ACBD5: variants seen among roughly 807,000 people sequenced by gnomAD.
ACBD5 encodes acyl-CoA-binding domain-containing protein 5.
In ACBD5, 40 loss-of-function variants were observed where a neutral mutation model predicts 71.8. That is an observed-to-expected ratio of 0.56 (90% CI 0.43 to 0.72). The LOEUF is 0.72. Among genes scored for constraint, ACBD5 ranks in the 30% least tolerant of loss-of-function variants. The pLI is 0.00. For synonymous variants in ACBD5, 229 were observed against 218.6 expected, an observed-to-expected ratio of 1.05 and a Z score of -0.42; for missense variants, 559 against 644.5, an observed-to-expected ratio of 0.87 and a Z score of 1.44.
chr10:27,234,277 A>T (rs1364533183), intron 3 of ACBD5, among the ~76,000 whole-genome samples: 1 of 152,128 alleles, frequency 6.6e-6, no homozygotes, highest in Non-Finnish European at 1.5e-5. Context: ...GAATTCTTTT[A>T]AGTATATAAA....
intron 4 of ACBD5, among the ~76,000 whole-genome samples, chr10:27,231,332 C>A (rs2063828698): frequency 6.6e-6 from 1 of 152,122 alleles, no homozygotes; most frequent in Admixed American, 6.6e-5. Context: ...GCCTGGCCAA[C>A]ATGGAAAAAC....
At chr10:27,186,510 C>G in intron 13 of ACBD5, 1 of 1,614,058 alleles carries the variant, frequency 6.2e-7, no homozygotes, top group Non-Finnish European at 8.5e-7. Context: ...TGCTCAGCAC[C>G]TGACTGTATC....
chr10:27,235,329 GATTT>G (rs1182059654), intron 2 of ACBD5, 117 bp from the exon 3 acceptor site: 4 of 1,282,178 alleles, frequency 3.1e-6, no homozygotes, highest in Non-Finnish European at 4.4e-6. Context: ...TTTAGATAAT[GATTT>G]ATTTCTAGCT....
At chr10:27,225,642 TATAA>T (rs1421880257) in intron 4 of ACBD5, among the ~76,000 whole-genome samples, 1 of 152,216 alleles carries the variant, frequency 6.6e-6, no homozygotes, top group African/African-American at 2.4e-5. Flanking sequence ...TATTATTTAT[TATAA>T]ATATCTGAGT....
At chr10:27,242,087 G>A (rs1015445662), upstream of ACBD5, 2 of 452,054 alleles carry the variant, frequency 4.4e-6, no homozygotes, top group South Asian at 1.6e-5. Context: ...GGCCTGTCCG[G>A]TAATGTCCCC....
chr10:27,230,228 C>G (rs1309005610), intron 4 of ACBD5, among the ~76,000 whole-genome samples: 2 of 151,678 alleles, frequency 1.3e-5, no homozygotes, highest in Non-Finnish European at 2.9e-5. Context: ...GAAACTCTGC[C>G]CTTGGTTACA....
At chr10:27,183,546 G>A (rs2058452178) in intron 13 of ACBD5, among the ~76,000 whole-genome samples, 2 of 152,058 alleles carry the variant, frequency 1.3e-5, no homozygotes, top group South Asian at 4.1e-4. Flanking sequence ...GCCTCCCAAA[G>A]TGCTGGGATT....
rs1477088634 is a variant in ACBD5 at position 27,234,229 on chromosome 10, T to C, written c.302+863A>G. Among the ~76,000 whole-genome samples the C allele has an allele frequency of 3.3e-5, 5 of 152,186 alleles. No individual in the cohort carries two copies. In the East Asian group the frequency reaches 7.7e-4, roughly 23 times the overall value. On this transcript the variant is annotated intron_variant, in intron 3 of 12. Transcript: ENST00000396271. ...ACCTGTATCTATAATTCTTTTAGTT[T>C]ATAGTTTATAATTCATTTAAGTATA... is the stretch of plus-strand genomic sequence containing the variant.
intron 7 of ACBD5, among the ~76,000 whole-genome samples, chr10:27,216,646 C>T (rs374549415): frequency 2.0e-5 from 3 of 152,240 alleles, no homozygotes; most frequent in East Asian, 3.9e-4. Flanking sequence ...ATTTATCAAG[C>T]CACACTTTTT....
intron 9 of ACBD5, among the ~76,000 whole-genome samples, chr10:27,209,873 G>A (rs1055740521): frequency 2.6e-5 from 4 of 152,162 alleles, no homozygotes; most frequent in Non-Finnish European, 4.4e-5. Context: ...GTTAGGTTAT[G>A]AAATAATTCA....
At chr10:27,224,200 TA>T (rs1197527465) in intron 4 of ACBD5, among the ~76,000 whole-genome samples, 3 of 110,966 alleles carry the variant, frequency 2.7e-5, no homozygotes, top group African/African-American at 3.9e-5. Context: ...GGCCCATTTC[TA>T]CAAAAAAAAA....
At position 27,186,388 on chromosome 10, in the gene ACBD5, G is replaced by A. The variant is rs201359552; in HGVS notation, c.1494-3673C>T. ...TTATATTTTTCCTAAGAGCTAAAAC[G>A]TCATCCTCTCTTCAGTGATGTGGAC... On this transcript the variant is annotated intron_variant, in intron 13 of 13. Transcript: ENST00000676511. 8.8e-5 allele frequency: 142 copies of A among 1,613,968 alleles called. 1 individual carries two copies. The highest frequency in any genetic ancestry group is 6.6e-4 in the Middle Eastern group (4 of 6,062).
At chr10:27,228,100 T>A (rs913995282) in intron 4 of ACBD5, among the ~76,000 whole-genome samples, 3 of 152,046 alleles carry the variant, frequency 2.0e-5, no homozygotes, top group African/African-American at 7.2e-5. Flanking sequence ...AAATAATTAG[T>A]CTGGGGTCAT....
At chr10:27,198,165 C>G (rs534166631) in intron 12 of ACBD5, among the ~76,000 whole-genome samples, 1 of 152,284 alleles carries the variant, frequency 6.6e-6, no homozygotes, top group South Asian at 2.1e-4. Context: ...TATTACTTTC[C>G]AGGCTCTGTG....
chr10:27,221,769 C>G (rs1033720768), intron 5 of ACBD5, among the ~76,000 whole-genome samples: 3 of 151,610 alleles, frequency 2.0e-5, no homozygotes, highest in African/African-American at 7.3e-5. Context: ...CAAAAATTAG[C>G]CATACAAGAA....
downstream of ACBD5, among the ~76,000 whole-genome samples, chr10:27,194,824 C>T (rs1055717298): frequency 1.7e-4 from 26 of 151,346 alleles, no homozygotes; most frequent in African/African-American, 4.9e-4. Context: ...GGTGAAACCC[C>T]GTCTCTACTA....
At chr10:27,201,988 G>A (rs1199279627) in intron 12 of ACBD5, among the ~76,000 whole-genome samples, 1 of 152,120 alleles carries the variant, frequency 6.6e-6, no homozygotes, top group Non-Finnish European at 1.5e-5. Flanking sequence ...GCCAGACACT[G>A]TTTTGGGGAT....
chr10:27,227,841 T>C (rs922821098), intron 4 of ACBD5, among the ~76,000 whole-genome samples: 1 of 152,044 alleles, frequency 6.6e-6, no homozygotes, highest in East Asian at 1.9e-4. Flanking sequence ...GCCCCTCTAG[T>C]AGCTGAGATT....
intron 12 of ACBD5, among the ~76,000 whole-genome samples, chr10:27,199,080 G>A (rs2059649927): frequency 6.6e-6 from 1 of 151,482 alleles, no homozygotes; most frequent in Non-Finnish European, 1.5e-5. Flanking sequence ...CTGCACTCCA[G>A]CCTAGGTGAC....
Sources: allele counts gnomAD v4.1 joint callset (sites outside exome capture counted in the v4.1 genomes callset), GRCh38; gene constraint gnomAD v4.1.1; transcripts MANE v1.5; gene names NCBI Gene and HGNC (gene_info 2026-07-23, HGNC 2026-07-21).